The following CHCHD3 variants were observed in gnomAD, a reference collection of about 807,000 sequenced individuals.
CHCHD3 encodes the protein MICOS complex subunit MIC19.
CHCHD3 carries 20 observed loss-of-function variants against 38.2 expected under a neutral mutation model. The observed-to-expected ratio is 0.52, with a 90% CI of 0.37 to 0.76. CHCHD3 has a LOEUF of 0.76. Among genes scored for constraint, CHCHD3 ranks in the 30% least tolerant of loss-of-function variants. The probability of loss-of-function intolerance (pLI) is 0.00; values close to 1 mark genes in which losing one functional copy is unlikely to be tolerated. For missense variants in CHCHD3, 245 were observed against 279.2 expected (o/e 0.88, Z 0.87); for synonymous variants, 82 against 100.0 (o/e 0.82, Z 1.07).
At chr7:133,018,625 T>A (rs10954401) in intron 3 of CHCHD3, among the ~76,000 whole-genome samples, 47,058 of 152,062 alleles carry the variant, frequency 0.31, 7,807 homozygotes, top group South Asian at 0.44. Context: ...TTCAACACTA[T>A]ACTAAATTAA....
chr7:132,990,618 A>T (rs1037127190), intron 3 of CHCHD3, among the ~76,000 whole-genome samples: 11 of 152,198 alleles, frequency 7.2e-5, no homozygotes, highest in African/African-American at 2.4e-4. Flanking sequence ...TGAGAATCTC[A>T]GTACACTTCT....
rs143198703 is a variant in CHCHD3, at chr7:132,785,933, T to A, written c.661-273A>T. On this transcript the variant is annotated intron_variant, in intron 7 of 7. Transcript: ENST00000262570. ...TAGCTCACGCCTGTAATCCTAGCAC[T>A]TTGGGAGGCCAAAGTGGGCAGATCA... Among the ~76,000 whole-genome samples the A allele has an allele frequency of 2.0e-5, 3 of 152,306 alleles. No individual in the cohort carries two copies. In the East Asian group the frequency reaches 5.8e-4, roughly 29 times the overall value.
intron 2 of CHCHD3, among the ~76,000 whole-genome samples, chr7:133,024,913 G>A (rs1285901831): frequency 6.6e-6 from 1 of 152,096 alleles, no homozygotes. Context: ...AGTCAGTAAG[G>A]ACCAATTCTT....
Position 132,924,111 on chromosome 7 carries a change from G to A in CHCHD3, c.370-38366C>T, listed in dbSNP as rs145692563. 6.5e-3 allele frequency among the ~76,000 whole-genome samples: 992 copies of A among 152,212 alleles called. 11 individuals are homozygous for A. Among genetic ancestry groups the A allele is most frequent in the African/African-American group, 0.022 (920 of 41,556 alleles). On this transcript the variant is annotated intron_variant, in intron 4 of 7. Transcript: ENST00000262570. ...CTTTGACCACAGCTGGAGAAATAAG[G>A]AATAGGAGGCAAAAGAAATTTTGGC...
In CHCHD3 at chr7:132,796,240, A is replaced by ACC. The variant is rs1806608831; in HGVS notation, c.660+201_660+202insGG. 1.2e-4 allele frequency among the ~76,000 whole-genome samples: 19 copies of ACC among 152,328 alleles called. No homozygotes were observed. In the South Asian group the frequency reaches 3.7e-3, roughly 30 times the overall value. ...TTTTTTCTGCAAGTAAATGAGTTGTACATAAGGAAGATATGGGCTCTTTGA... is the reference window on the plus strand; with the variant it reads ...TTTTTTCTGCAAGTAAATGAGTTGTACCCATAAGGAAGATATGGGCTCTTTGA... On this transcript the variant is annotated intron_variant, in intron 7 of 7. Transcript: ENST00000262570.
At chr7:132,993,950 C>T (rs1812347800) in intron 3 of CHCHD3, among the ~76,000 whole-genome samples, 1 of 152,148 alleles carries the variant, frequency 6.6e-6, no homozygotes, top group Non-Finnish European at 1.5e-5. Context: ...CTCCCAGAAT[C>T]CTCTCCATTT....
chr7:133,075,536 T>C lies in CHCHD3; in HGVS notation c.82-5307A>G, dbSNP rs73724164. On this transcript the variant is annotated intron_variant, in intron 1 of 7. Coordinates refer to ENST00000262570, the MANE Select transcript of CHCHD3 (RefSeq NM_017812.4). ...TCATCTGTATCCAAAGTTAATGCTC[T>C]CTGAGCTGACCTTCCCATTGCAGTA... 4.5e-3 allele frequency among the ~76,000 whole-genome samples: 682 copies of C among 151,774 alleles called. 4 individuals carry two copies. Among genetic ancestry groups the C allele is most frequent in the African/African-American group, 0.016 (650 of 41,066 alleles).
At chr7:132,885,510 G>C (rs1809181763) in intron 5 of CHCHD3, 152 bp downstream of exon 5, 1 of 588,128 alleles carries the variant, frequency 1.7e-6, no homozygotes, top group South Asian at 2.4e-5. Flanking sequence ...CATTGTTACA[G>C]AGGACGAACT....
At chr7:132,985,780 G>A (rs1178081900) in intron 3 of CHCHD3, among the ~76,000 whole-genome samples, 9 of 92,146 alleles carry the variant, frequency 9.8e-5, no homozygotes, top group Admixed American at 2.2e-4. Flanking sequence ...GGAGGGAGGC[G>A]GGGGGGTCAG....
chr7:132,997,719 C>CCAGAA (rs1456654457), intron 3 of CHCHD3, among the ~76,000 whole-genome samples: 2 of 142,086 alleles, frequency 1.4e-5, no homozygotes, highest in Non-Finnish European at 3.0e-5. Context: ...TCACAGCAAT[C>CCAGAA]CAGAACAAAT....
At chr7:132,975,760 G>A (rs144663601) in intron 3 of CHCHD3, among the ~76,000 whole-genome samples, 3,096 of 151,962 alleles carry the variant, frequency 0.02, 85 homozygotes, top group South Asian at 0.13. Flanking sequence ...GTGAAACCCC[G>A]TCTCTACTAA....
In CHCHD3 at chr7:132,785,483, G is replaced by T; in HGVS notation, c.*154C>A. On this transcript the variant is annotated 3_prime_UTR_variant, in exon 8 of 8. Transcript: ENST00000262570. ...CCTTCAAACTGCTGCTGTTCAAAAC[G>T]TGAAATGATTCTGCTGAATCCATTC... 1 of 744,118 alleles carries T rather than the reference G, an allele frequency of 1.3e-6. No individual in the cohort carries two copies. Among genetic ancestry groups the T allele is most frequent in the East Asian group, 2.7e-5 (1 of 37,266 alleles). 46.1% of individuals were successfully genotyped at this position (744,118 alleles called of 1,614,324 possible).
At chr7:133,052,454 A>T (rs1041359721) in intron 2 of CHCHD3, among the ~76,000 whole-genome samples, 2 of 152,256 alleles carry the variant, frequency 1.3e-5, no homozygotes, top group Non-Finnish European at 2.9e-5. Flanking sequence ...ATCAACTATT[A>T]TAAAAGTGAA....
At chr7:133,047,865 A>C (rs1305616553) in intron 2 of CHCHD3, among the ~76,000 whole-genome samples, 2 of 152,206 alleles carry the variant, frequency 1.3e-5, no homozygotes, top group Non-Finnish European at 2.9e-5. Context: ...AGGTGGGCAG[A>C]TCACCAGAGG....
At chr7:132,992,619 G>A (rs1034801572) in intron 3 of CHCHD3, among the ~76,000 whole-genome samples, 2 of 152,020 alleles carry the variant, frequency 1.3e-5, no homozygotes, top group African/African-American at 4.8e-5. Flanking sequence ...TGAACACTTG[G>A]TATGAAAATA....
At chr7:132,856,244 TGA>T (rs1808339946) in intron 5 of CHCHD3, among the ~76,000 whole-genome samples, 2 of 152,132 alleles carry the variant, frequency 1.3e-5, no homozygotes, top group Admixed American at 6.5e-5. Flanking sequence ...CACCCATCCA[TGA>T]GAGACAAAGC....
chr7:132,832,357 T>C (rs1462567840), intron 6 of CHCHD3, among the ~76,000 whole-genome samples: 1 of 152,216 alleles, frequency 6.6e-6, no homozygotes, highest in Non-Finnish European at 1.5e-5. Context: ...GGAGTATTAC[T>C]GGTATTCACT....
intron 4 of CHCHD3, among the ~76,000 whole-genome samples, chr7:132,971,548 G>A (rs570867503): frequency 6.6e-6 from 1 of 152,250 alleles, no homozygotes; most frequent in South Asian, 2.1e-4. Context: ...TAAAACAACT[G>A]TGGGAAGAAA....
At chr7:132,811,063 T>C (rs963291980) in intron 6 of CHCHD3, among the ~76,000 whole-genome samples, 9 of 152,174 alleles carry the variant, frequency 5.9e-5, no homozygotes, top group African/African-American at 2.2e-4. Flanking sequence ...TGGCCTGTTG[T>C]TTCATTGAGA....
Sources: allele counts gnomAD v4.1 joint callset (sites outside exome capture counted in the v4.1 genomes callset), GRCh38; gene constraint gnomAD v4.1.1; transcripts MANE v1.5; gene names NCBI Gene and HGNC (gene_info 2026-07-23, HGNC 2026-07-21).